CLASP1: variants seen among roughly 807,000 people sequenced by gnomAD.
The protein encoded by CLASP1 is CLIP-associating protein 1.
In CLASP1, 38 loss-of-function variants were observed where a neutral mutation model predicts 192.3. The observed-to-expected ratio is 0.20, with a 90% CI of 0.15 to 0.26. CLASP1 has a LOEUF of 0.26. Ranked by LOEUF, CLASP1 falls within the 10% of genes least tolerant of loss-of-function variation. The pLI, the probability that CLASP1 is intolerant of heterozygous loss-of-function variation, is 1.00. For synonymous variants in CLASP1, 691 were observed against 712.8 expected, an observed-to-expected ratio of 0.97 and a Z score of 0.49; for missense variants, 1,433 against 1,932.5, an observed-to-expected ratio of 0.74 and a Z score of 4.85.
chr2:121,556,133 A>G (rs751588889), intron 2 of CLASP1, among the ~76,000 whole-genome samples: 11 of 148,472 alleles, frequency 7.4e-5, no homozygotes, highest in Non-Finnish European at 1.6e-4. Flanking sequence ...ACAGGCACAC[A>G]CCACCACGCC....
At chr2:121,516,562 T>A (rs1012504509) in intron 6 of CLASP1, among the ~76,000 whole-genome samples, 1 of 152,214 alleles carries the variant, frequency 6.6e-6, no homozygotes, top group African/African-American at 2.4e-5. Flanking sequence ...AAATAAGGTG[T>A]GAGAGACAGG....
intron 2 of CLASP1, among the ~76,000 whole-genome samples, chr2:121,597,335 T>C (rs533504946): frequency 6.6e-6 from 1 of 152,288 alleles, no homozygotes; most frequent in Non-Finnish European, 1.5e-5. Context: ...CCATAGACTA[T>C]CATTATTATT....
At chr2:121,442,418 T>A (rs1374606887) in intron 19 of CLASP1, among the ~76,000 whole-genome samples, 1 of 152,158 alleles carries the variant, frequency 6.6e-6, no homozygotes, top group East Asian at 1.9e-4. Flanking sequence ...GAATATATAT[T>A]TTTCTCAATT....
At chr2:121,443,227 G>A (rs1315308635) in intron 19 of CLASP1, among the ~76,000 whole-genome samples, 1 of 151,052 alleles carries the variant, frequency 6.6e-6, no homozygotes, top group Non-Finnish European at 1.5e-5. Flanking sequence ...TAGTCTCCTG[G>A]ACAATAACTG....
chr2:121,380,571 G>C (rs2071404006), intron 33 of CLASP1, among the ~76,000 whole-genome samples: 1 of 152,154 alleles, frequency 6.6e-6, no homozygotes, highest in Non-Finnish European at 1.5e-5. Context: ...GAGAACATGG[G>C]GTCAGGTCTC....
intron 1 of CLASP1, among the ~76,000 whole-genome samples, chr2:121,616,999 T>C (rs1193797611): frequency 1.3e-5 from 2 of 152,176 alleles, no homozygotes; most frequent in South Asian, 2.1e-4. Context: ...ATGCTGTAGG[T>C]AGAAGAGGAA....
intron 34 of CLASP1, 64 bp from the exon 36 acceptor site, chr2:121,367,895 C>G (rs2067749544): frequency 1.3e-6 from 2 of 1,577,228 alleles, no homozygotes; most frequent in South Asian, 2.3e-5. Flanking sequence ...TTTGAATGCT[C>G]AGAAATATTA....
chr2:121,621,000 G>A (rs371099227), intron 1 of CLASP1, among the ~76,000 whole-genome samples: 3 of 152,038 alleles, frequency 2.0e-5, no homozygotes, highest in African/African-American at 4.8e-5. Flanking sequence ...AGGCCGAGAC[G>A]GGCAGACTGC....
chr2:121,366,709 G>T (rs929369746), intron 35 of CLASP1, among the ~76,000 whole-genome samples: 1 of 152,146 alleles, frequency 6.6e-6, no homozygotes, highest in Non-Finnish European at 1.5e-5. Flanking sequence ...TCTAATGTAG[G>T]TTCTAATTAC....
chr2:121,439,490 C>T (rs895398333), intron 19 of CLASP1, among the ~76,000 whole-genome samples: 161 of 152,088 alleles, frequency 1.1e-3, no homozygotes, highest in African/African-American at 3.6e-3. Context: ...CTACACACTG[C>T]TTTGAATGCG....
intron 2 of CLASP1, among the ~76,000 whole-genome samples, chr2:121,554,258 A>G (rs2058319515): frequency 6.6e-6 from 1 of 151,962 alleles, no homozygotes; most frequent in Admixed American, 6.6e-5. Context: ...ATAAAGAAGA[A>G]CAAACTATTG....
At chr2:121,620,895 A>G (rs748286822) in intron 1 of CLASP1, among the ~76,000 whole-genome samples, 1 of 151,988 alleles carries the variant, frequency 6.6e-6, no homozygotes, top group Non-Finnish European at 1.5e-5. Flanking sequence ...AATTAATATC[A>G]ATTTACCTGT....
At chr2:121,611,406 G>T (rs1284370882) in intron 1 of CLASP1, among the ~76,000 whole-genome samples, 1 of 142,690 alleles carries the variant, frequency 7.0e-6, no homozygotes, top group South Asian at 2.3e-4. Flanking sequence ...TGGAGGAGGA[G>T]GAGGAGTTAC....
intron 1 of CLASP1, among the ~76,000 whole-genome samples, chr2:121,634,361 T>C (rs563207255): frequency 1.4e-3 from 215 of 152,340 alleles, no homozygotes; most frequent in African/African-American, 5.0e-3. Flanking sequence ...TTTATTTTAA[T>C]GTCAGCAGTT....
At chr2:121,588,553 A>G (rs2061998446) in intron 2 of CLASP1, among the ~76,000 whole-genome samples, 1 of 152,254 alleles carries the variant, frequency 6.6e-6, no homozygotes, top group South Asian at 2.1e-4. Context: ...GTACAAACAC[A>G]GAGACATATT....
At chr2:121,343,784 T>C (rs952205364) in intron 39 of CLASP1, among the ~76,000 whole-genome samples, 3 of 152,126 alleles carry the variant, frequency 2.0e-5, no homozygotes, top group Non-Finnish European at 2.9e-5. Flanking sequence ...CACTTAAAAA[T>C]AGTTACAATG....
chr2:121,382,070 G>A, intron 33 of CLASP1, 138 bp downstream of exon 34: 1 of 691,892 alleles, frequency 1.4e-6, no homozygotes. Flanking sequence ...TTCTCACCAA[G>A]GCTCTACTCC....
chr2:121,359,494 A>G (rs1198951150), intron 37 of CLASP1, among the ~76,000 whole-genome samples: 1 of 152,170 alleles, frequency 6.6e-6, no homozygotes, highest in Non-Finnish European at 1.5e-5. Context: ...CAGCTCTAAC[A>G]AACAGATTAC....
At chr2:121,395,026 C>T (rs2075044639) in intron 30 of CLASP1, among the ~76,000 whole-genome samples, 1 of 152,080 alleles carries the variant, frequency 6.6e-6, no homozygotes, top group Non-Finnish European at 1.5e-5. Context: ...TCCTGGCAGC[C>T]TCTACTAGCT....
Sources: gnomAD v4.1 joint callset for allele counts (sites outside exome capture counted in the v4.1 genomes callset) on GRCh38, gnomAD v4.1.1 for gene constraint, MANE v1.5 for transcripts, NCBI Gene and HGNC (gene_info 2026-07-23, HGNC 2026-07-21) for gene names.